TMPRSS15: variants seen among roughly 807,000 people sequenced by gnomAD.
TMPRSS15 encodes the protein enteropeptidase.
TMPRSS15 carries 128 observed loss-of-function variants against 125.3 expected under a neutral mutation model. The observed-to-expected ratio is 1.02, with a 90% confidence interval of 0.89 to 1.18. The LOEUF is 1.18. TMPRSS15 is among the 50% of genes most tolerant of loss of function. The probability of loss-of-function intolerance (pLI) is 0.00; values close to 1 mark genes in which losing one functional copy is unlikely to be tolerated. For missense variants in TMPRSS15, 1,283 were observed against 1,212.7 expected (o/e 1.06, Z -0.86); for synonymous variants, 446 against 423.2 (o/e 1.05, Z -0.66).
intron 1 of TMPRSS15, among the ~76,000 whole-genome samples, chr21:18,427,649 A>G (rs1046058116): frequency 8.5e-5 from 13 of 152,190 alleles, no homozygotes; most frequent in African/African-American, 2.7e-4. Context: ...GAGCATTTAT[A>G]TTTTATCATT....
chr21:18,418,781 T>A (rs1171853983), intron 1 of TMPRSS15, among the ~76,000 whole-genome samples: 1 of 152,180 alleles, frequency 6.6e-6, no homozygotes, highest in African/African-American at 2.4e-5. Context: ...AAAATTGGAA[T>A]CTCCAGAGAA....
intron 13 of TMPRSS15, among the ~76,000 whole-genome samples, chr21:18,333,156 T>C (rs931716689): frequency 1.3e-5 from 2 of 152,094 alleles, no homozygotes; most frequent in African/African-American, 2.4e-5. Flanking sequence ...CTAGGCTTAA[T>C]AGCTGGGTGA....
intron 19 of TMPRSS15, among the ~76,000 whole-genome samples, chr21:18,296,701 C>G (rs1443942247): frequency 6.6e-6 from 1 of 152,134 alleles, no homozygotes; most frequent in Non-Finnish European, 1.5e-5. Flanking sequence ...GCTTCAGGAT[C>G]TATATGGTAA....
At chr21:18,285,630 T>C (rs1468181374) in intron 21 of TMPRSS15, among the ~76,000 whole-genome samples, 1 of 152,206 alleles carries the variant, frequency 6.6e-6, no homozygotes, top group Non-Finnish European at 1.5e-5. Flanking sequence ...TGAAACATAG[T>C]GTTGTTGCCA....
rs371018995 is a variant in TMPRSS15, at chr21:18,286,698, G to A, written c.2487-5477C>T. 5.9e-5 allele frequency among the ~76,000 whole-genome samples: 9 copies of A among 152,322 alleles called. No individual in the cohort carries two copies. The East Asian group carries it at 1.7e-3, about 29-fold the overall frequency. ...GATTTCACGTTTGCTCCTCCCAGCA[G>A]TCCCATCTTCACACATTAGCCTGAT... On this transcript the variant is annotated intron_variant, in intron 21 of 24. Coordinates refer to ENST00000284885, the MANE Select transcript of TMPRSS15 (RefSeq NM_002772.3).
chr21:18,396,955 T>C (rs2076047209), intron 3 of TMPRSS15, among the ~76,000 whole-genome samples: 1 of 152,012 alleles, frequency 6.6e-6, no homozygotes. Flanking sequence ...TGGAATATTG[T>C]CTTTCTTTCT....
chr21:18,368,839 T>C (rs1341221892), intron 6 of TMPRSS15, among the ~76,000 whole-genome samples: 2 of 152,206 alleles, frequency 1.3e-5, no homozygotes, highest in African/African-American at 4.8e-5. Context: ...TATTGAAGTA[T>C]TTCTAATAGC....
At chr21:18,485,152 A>G (rs879454148) in intron 1 of TMPRSS15, among the ~76,000 whole-genome samples, 8 of 151,754 alleles carry the variant, frequency 5.3e-5, no homozygotes, top group Non-Finnish European at 1.0e-4. Flanking sequence ...TTTTACTCTA[A>G]TGTCTTTGTA....
At chr21:18,344,338 T>C (rs571472723) in intron 10 of TMPRSS15, among the ~76,000 whole-genome samples, 7 of 152,192 alleles carry the variant, frequency 4.6e-5, no homozygotes, top group Admixed American at 3.3e-4. Flanking sequence ...TCTGACTTAT[T>C]ATGAGTCACT....
At position 18,278,946 on chromosome 21, in the gene TMPRSS15, T is replaced by TG; in HGVS notation, c.2764+17_2764+18insC. On this transcript the variant is annotated intron_variant, in intron 23 of 24. Coordinates refer to ENST00000284885, the MANE Select transcript of TMPRSS15 (RefSeq NM_002772.3). Reference sequence around the variant, plus strand: ...AAGGTTTTTTTTTTTTTTTTTTTTTTTGAGTCTGATAATTTACCTTGATAT... The same window carrying TG: ...AAGGTTTTTTTTTTTTTTTTTTTTTTGTGAGTCTGATAATTTACCTTGATAT... 1.0e-6 allele frequency: 1 copy of TG among 997,074 alleles called. No individual in the cohort carries two copies. Among genetic ancestry groups the TG allele is most frequent in the Non-Finnish European group, 1.5e-6 (1 of 669,914 alleles). The allele number at this position is 997,074 out of a possible 1,614,324, so 61.8% of individuals were successfully genotyped here.
chr21:18,344,208 G>A, intron 10 of TMPRSS15, 148 bp from the exon 11 acceptor site: 1 of 707,104 alleles, frequency 1.4e-6, no homozygotes. Flanking sequence ...CTAGACTCGA[G>A]CTCAGAAAGC....
intron 16 of TMPRSS15, among the ~76,000 whole-genome samples, chr21:18,322,278 C>T (rs1019486653): frequency 7.9e-5 from 12 of 152,108 alleles, no homozygotes; most frequent in African/African-American, 2.9e-4. Context: ...TAAAATAGTA[C>T]AGCCATTATG....
intron 18 of TMPRSS15, among the ~76,000 whole-genome samples, chr21:18,304,512 TG>T (rs1199149656): frequency 6.6e-6 from 1 of 152,180 alleles, no homozygotes; most frequent in African/African-American, 2.4e-5. Flanking sequence ...TGTAGGAGGT[TG>T]GTAGTTGGCA....
At chr21:18,274,795 T>G (rs569254243) in intron 24 of TMPRSS15, among the ~76,000 whole-genome samples, 7 of 152,336 alleles carry the variant, frequency 4.6e-5, no homozygotes, top group Non-Finnish European at 8.8e-5. Flanking sequence ...GCCCACAGAC[T>G]AAACTGGCCC....
chr21:18,467,893 A>G (rs140382840), intron 1 of TMPRSS15, among the ~76,000 whole-genome samples: 1 of 152,204 alleles, frequency 6.6e-6, no homozygotes, highest in Admixed American at 6.6e-5. Context: ...AGAAACTGAA[A>G]GTATGTCAAA....
chr21:18,365,405 G>T (rs2075717400), intron 6 of TMPRSS15, among the ~76,000 whole-genome samples, 157 bp from the exon 7 acceptor site: 1 of 152,172 alleles, frequency 6.6e-6, no homozygotes, highest in South Asian at 2.1e-4. Context: ...TATTAGCCAT[G>T]TTCAAATACT....
At chr21:18,299,759 C>G (rs968878648) in intron 18 of TMPRSS15, among the ~76,000 whole-genome samples, 1 of 152,178 alleles carries the variant, frequency 6.6e-6, no homozygotes, top group Admixed American at 6.5e-5. Context: ...TCCAGACAAG[C>G]AGCACCAGCC....
intron 1 of TMPRSS15, among the ~76,000 whole-genome samples, chr21:18,445,769 T>C (rs1325921043): frequency 6.6e-6 from 1 of 152,206 alleles, no homozygotes; most frequent in Non-Finnish European, 1.5e-5. Flanking sequence ...TCTTTTATGA[T>C]AAAACCTGCC....
chr21:18,415,687 C>A (rs1179647361), intron 1 of TMPRSS15, among the ~76,000 whole-genome samples: 8 of 151,998 alleles, frequency 5.3e-5, no homozygotes, highest in Non-Finnish European at 7.4e-5. Context: ...TACATCTGGT[C>A]TCTTTATTTT....
Sources: gnomAD v4.1 joint callset for allele counts (sites outside exome capture counted in the v4.1 genomes callset) on GRCh38, gnomAD v4.1.1 for gene constraint, MANE v1.5 for transcripts, NCBI Gene and HGNC (gene_info 2026-07-23, HGNC 2026-07-21) for gene names.